Variants in DMD observed in about 807,000 individuals in gnomAD.
DMD encodes dystrophin, also known as mutant dystrophin.
DMD carries 63 observed loss-of-function variants against 330.1 expected under a neutral mutation model. That is an observed-to-expected ratio of 0.19 (90% CI 0.16 to 0.24). The LOEUF (loss-of-function observed/expected upper bound fraction) is 0.24, where lower values mean the gene tolerates loss of function less well. Among genes scored for constraint, DMD ranks in the 10% least tolerant of loss-of-function variants. DMD has a pLI of 1.00. For synonymous variants in DMD, 1,223 were observed against 959.8 expected, an observed-to-expected ratio of 1.27 and a Z score of -5.07; for missense variants, 3,344 against 2,684.1, an observed-to-expected ratio of 1.25 and a Z score of -5.43.
intron 62 of DMD, among the ~76,000 whole-genome samples, chrX:31,275,286 CAG>C (rs1342057659): frequency 9.1e-6 from 1 of 110,164 alleles, no homozygotes; most frequent in Non-Finnish European, 1.9e-5. Context: ...TACTAAGGTA[CAG>C]AGTTTTTATG....
At chrX:32,624,588 T>C (rs969975725) in intron 11 of DMD, among the ~76,000 whole-genome samples, 4 of 111,589 alleles carry the variant, frequency 3.6e-5, no homozygotes, top group South Asian at 3.8e-4. Context: ...TGTCAAACTA[T>C]GCATTCTAAG....
At chrX:33,068,452 T>G (rs753345769) in intron 1 of DMD, among the ~76,000 whole-genome samples, 23 of 112,563 alleles carry the variant, frequency 2.0e-4, no homozygotes, top group African/African-American at 7.1e-4. Context: ...AGAATCATTT[T>G]TATATAGGTA....
At chrX:31,130,409 G>A (rs182365452) in intron 77 of DMD, among the ~76,000 whole-genome samples, 450 of 111,781 alleles carry the variant, frequency 4.0e-3, no homozygotes, top group African/African-American at 0.014. Flanking sequence ...AGAGATTAGA[G>A]ATAGACAGAT....
intron 62 of DMD, among the ~76,000 whole-genome samples, chrX:31,295,300 T>C (rs1410383475): frequency 9.0e-6 from 1 of 111,570 alleles, no homozygotes; most frequent in African/African-American, 3.3e-5. Flanking sequence ...CGGCCGTAGG[T>C]TTGCTTTTAA....
At chrX:31,513,617 T>G (rs1326037774) in intron 55 of DMD, among the ~76,000 whole-genome samples, 2 of 112,048 alleles carry the variant, frequency 1.8e-5, no homozygotes, top group Admixed American at 9.5e-5. Flanking sequence ...ATTCACTGTA[T>G]GCTCTCTAAT....
intron 47 of DMD, among the ~76,000 whole-genome samples, chrX:31,898,450 T>C (rs1479012603): frequency 4.5e-5 from 5 of 110,404 alleles, no homozygotes; most frequent in African/African-American, 1.7e-4. Context: ...AACAGAGCCC[T>C]CAGAAGTAAC....
At chrX:31,989,958 T>A (rs866100587) in intron 44 of DMD, among the ~76,000 whole-genome samples, 26 of 111,014 alleles carry the variant, frequency 2.3e-4, no homozygotes, top group African/African-American at 7.5e-4. Flanking sequence ...CTTGCTCCCC[T>A]CCCTCCCCTC....
chrX:32,765,637 ATCT>A (rs1387037455), intron 7 of DMD, among the ~76,000 whole-genome samples: 3 of 111,721 alleles, frequency 2.7e-5, no homozygotes, highest in Non-Finnish European at 3.8e-5. Flanking sequence ...ATTCGCAAAC[ATCT>A]TCTCCCATTC....
At chrX:32,013,093 C>CTATTTTTTTTTTTT in intron 44 of DMD, among the ~76,000 whole-genome samples, 1 of 61,158 alleles carries the variant, frequency 1.6e-5, no homozygotes, top group African/African-American at 8.1e-5. Flanking sequence ...CTTTTCTTTC[C>CTATTTTTTTTTTTT]TTTTTTTTTT....
intron 51 of DMD, among the ~76,000 whole-genome samples, chrX:31,773,594 C>T (rs2090465894): frequency 1.8e-5 from 2 of 111,044 alleles, no homozygotes; most frequent in Admixed American, 9.6e-5. Flanking sequence ...TGTTGGGCTG[C>T]GTAGTGCCAA....
At chrX:31,172,275 C>A (rs1179532818) in intron 73 of DMD, 73 bp downstream of exon 73, 6 of 717,117 alleles carry the variant, frequency 8.4e-6, no homozygotes, top group Non-Finnish European at 1.3e-5. Context: ...ATATCCTGTG[C>A]TATCCTACCT....
intron 7 of DMD, among the ~76,000 whole-genome samples, chrX:32,733,372 A>G (rs2067985683): frequency 9.1e-6 from 1 of 109,524 alleles, no homozygotes; most frequent in Non-Finnish European, 1.9e-5. Context: ...AAAGCCAACA[A>G]GGATACCCAG....
At position 31,147,420 on chromosome X, in the gene DMD, T is replaced by C; in HGVS notation, c.10652A>G (p.Gln3551Arg). 8.3e-7 allele frequency: 1 copy of C among 1,207,864 alleles called. No homozygotes were observed. The highest frequency in any genetic ancestry group is 1.1e-6 in the Non-Finnish European group (1 of 893,493). Reference sequence around the variant, plus strand: ...AATGAGCTCAGCATCCCGGGGACTCTGGGGAGAGGTGGGCATCATTTCAGG... The same window carrying C: ...AATGAGCTCAGCATCCCGGGGACTCCGGGGAGAGGTGGGCATCATTTCAGG... ...SPPEMMPTSP[Q>R]SPRDAELIAE... The change falls in exon 75 of 79, where the codon CAG becomes CGG. Residue 3551 changes from glutamine (Q) to arginine (R), a missense_variant. Transcript: ENST00000357033.
intron 5 of DMD, among the ~76,000 whole-genome samples, chrX:32,818,940 A>G (rs2077983215): frequency 1.9e-5 from 2 of 107,385 alleles, no homozygotes; most frequent in South Asian, 4.2e-4. Flanking sequence ...AGCGTGTCAT[A>G]GGGTCTACGT....
At chrX:32,311,519 T>TCA (rs1217118665) in intron 41 of DMD, among the ~76,000 whole-genome samples, 6 of 111,701 alleles carry the variant, frequency 5.4e-5, no homozygotes, top group Non-Finnish European at 1.1e-4. Flanking sequence ...CATCTACTTG[T>TCA]GATATAGCAA....
rs752079847 is a variant in DMD at position 32,844,416 on chromosome X, AAAAAAG to A, written c.264+361_264+366del. Among the ~76,000 whole-genome samples, 184 of 57,141 alleles carry A rather than the reference AAAAAAG, an allele frequency of 3.2e-3. 1 individual carries two copies. The highest frequency in any genetic ancestry group is 6.4e-3 in the East Asian group (17 of 2,659). The allele number at this position is 57,141 out of a possible 115,157, so 49.6% of individuals were successfully genotyped here. On this transcript the variant is annotated intron_variant, in intron 4 of 78. Transcript: ENST00000357033. ...AGCGAGACTCCATCTCAAAAAAAAA[AAAAAAG>A]AAAAGAAAAGAAAAGAAAAGAAAAA...
At chrX:32,289,555 C>A (rs1207615765) in intron 42 of DMD, among the ~76,000 whole-genome samples, 5 of 110,976 alleles carry the variant, frequency 4.5e-5, no homozygotes, top group Non-Finnish European at 9.4e-5. Flanking sequence ...GAACAAGATA[C>A]GGGTCACAAA....
At chrX:32,252,923 TATATAAATATATA>T (rs2097282096) in intron 43 of DMD, among the ~76,000 whole-genome samples, 1 of 87,732 alleles carries the variant, frequency 1.1e-5, no homozygotes, top group African/African-American at 4.3e-5. Context: ...TATATATAGA[TATATAAATATATA>T]TATACATAAA....
intron 2 of DMD, among the ~76,000 whole-genome samples, chrX:33,007,734 T>C (rs1335973985): frequency 9.0e-6 from 1 of 111,571 alleles, no homozygotes; most frequent in Admixed American, 9.6e-5. Flanking sequence ...AGATAGAGAA[T>C]GTAGACTTCA....
Sources: gnomAD v4.1 joint callset for allele counts (sites outside exome capture counted in the v4.1 genomes callset) on GRCh38, gnomAD v4.1.1 for gene constraint, MANE v1.5 for transcripts, NCBI Gene and HGNC (gene_info 2026-07-23, HGNC 2026-07-21) for gene names.